The following ATXN2L variants were observed in gnomAD, a reference collection of about 807,000 sequenced individuals.
ATXN2L encodes ataxin 2 like, also known as ataxin-2-like protein.
A neutral mutation model predicts 120.7 loss-of-function variants in ATXN2L; 24 were observed. The observed-to-expected ratio is 0.20, with a 90% CI of 0.14 to 0.28. The LOEUF is 0.28. Ranked by LOEUF, ATXN2L falls within the 10% of genes least tolerant of loss-of-function variation. The probability of loss-of-function intolerance (pLI) is 1.00; values close to 1 mark genes in which losing one functional copy is unlikely to be tolerated. For synonymous variants in ATXN2L, 653 were observed against 568.1 expected, an observed-to-expected ratio of 1.15 and a Z score of -2.13; for missense variants, 1,312 against 1,432.3, an observed-to-expected ratio of 0.92 and a Z score of 1.36.
rs538629547 is a variant in ATXN2L, at chr16:28,825,553, G to A, written c.337-71G>A. ...CAAGGCAGAATGAGTAGAGTGCGGCGGGCATTTAGAAAAGAAAATGAGGTG... is the reference window on the plus strand; with the variant it reads ...CAAGGCAGAATGAGTAGAGTGCGGCAGGCATTTAGAAAAGAAAATGAGGTG... On this transcript the variant is annotated intron_variant, in intron 2 of 21. Coordinates refer to ENST00000336783, the MANE Select transcript of ATXN2L (RefSeq NM_007245.4). 2.0e-5 allele frequency: 31 copies of A among 1,554,250 alleles called. 1 individual carries two copies. The East Asian group carries it at 4.7e-4, about 24-fold the overall frequency.
chr16:28,823,245 C>T lies in ATXN2L; in HGVS notation c.-15C>T. The T allele has an allele frequency of 7.0e-7, 1 of 1,434,632 alleles. No individual in the cohort carries two copies. The highest frequency in any genetic ancestry group is 9.2e-7 in the Non-Finnish European group (1 of 1,092,028). The allele number at this position is 1,434,632 out of a possible 1,614,324, so 88.9% of individuals were successfully genotyped here. A position where few individuals can be genotyped will look rare whatever the true frequency, so the allele number is the denominator to read the frequency against. The stretch of plus-strand genomic sequence containing the variant: ...CCCTCCCTTCTCTCTAATTCCCCTT[C>T]CGGACGCTGCCATCATGTTGAAGCC... On this transcript the variant is annotated 5_prime_UTR_variant, in exon 1 of 22. Coordinates refer to ENST00000336783, the MANE Select transcript of ATXN2L (RefSeq NM_007245.4).
At position 28,835,092 on chromosome 16, in the gene ATXN2L, G is replaced by T; in HGVS notation, c.2468G>T (p.Arg823Leu). 1 of 1,613,740 alleles carries T rather than the reference G, an allele frequency of 6.2e-7. No individual in the cohort carries two copies. The highest frequency in any genetic ancestry group is 8.5e-7 in the Non-Finnish European group (1 of 1,179,856). The stretch of plus-strand genomic sequence containing the variant: ...GCCCCCATGCTTCAGAGCAACCCAC[G>T]CATGCTGACGTCGGGCAGCCATCCC... ...VFAPMLQSNPRMLTSGSHPQA... is the reference protein window; with the variant it reads ...VFAPMLQSNPLMLTSGSHPQA... Residue 823 changes from arginine to leucine, a missense_variant, in exon 19 of 22, where the codon CGC (arginine) becomes CTC (leucine). Transcript: ENST00000336783.
intron 6 of ATXN2L, 56 bp downstream of exon 6, chr16:28,827,042 CAGTG>C (rs1216212475): frequency 1.5e-6 from 2 of 1,355,446 alleles, no homozygotes; most frequent in Admixed American, 2.8e-5. Context: ...GGGTTGTTGA[CAGTG>C]AGGTTCATTT....
chr16:28,833,923 G>A, intron 15 of ATXN2L, 142 bp from the exon 16 acceptor site: 1 of 968,312 alleles, frequency 1.0e-6, no homozygotes, highest in South Asian at 1.7e-5. Flanking sequence ...TCCTCATAGG[G>A]TTTAATGTGA....
Position 28,829,845 on chromosome 16 carries a change from G to C in ATXN2L, c.834-13G>C, listed in dbSNP as rs1432169630. On this transcript the variant is annotated splice_polypyrimidine_tract_variant and intron_variant, in intron 7 of 21. Coordinates refer to ENST00000336783, the MANE Select transcript of ATXN2L (RefSeq NM_007245.4). ...GGCACTGGGATGGTGGTGGTCTGTG[G>C]GTGCTGTCTCAGGGTGCCCTTAGAA... The C allele has an allele frequency of 6.2e-7, 1 of 1,613,850 alleles. No individual in the cohort carries two copies. Among genetic ancestry groups the C allele is most frequent in the South Asian group, 1.1e-5 (1 of 91,082 alleles).
At chr16:28,824,363 G>GC (rs1294972420) in intron 1 of ATXN2L, 2 of 1,230,380 alleles carry the variant, frequency 1.6e-6, no homozygotes, top group Non-Finnish European at 2.1e-6. Context: ...TGGAGGTGGG[G>GC]GTTCGGAAAG....
intron 15 of ATXN2L, 53 bp downstream of exon 15, chr16:28,833,561 A>G: frequency 6.4e-7 from 1 of 1,564,036 alleles, no homozygotes; most frequent in Non-Finnish European, 8.8e-7. Flanking sequence ...AGACTTGGGC[A>G]GTGCTTATAG....
At position 28,823,439 on chromosome 16, in the gene ATXN2L, G is replaced by C. The variant is rs778599108; in HGVS notation, c.180G>C (p.Gly60=). Residue 60 remains glycine (G), a synonymous_variant, in exon 1 of 22, where the codon GGG becomes GGC. Coordinates refer to ENST00000336783, the MANE Select transcript of ATXN2L (RefSeq NM_007245.4). ...CAGCGGCCGCCTCCCCCTGCCTGGG[G>C]CCTGTGGCCGCTGCCGGGAGCGGGC... ...GPPAAASPCL[G]PVAAAGSGLR... The C allele has an allele frequency of 1.9e-5, 25 of 1,322,840 alleles. No homozygotes were observed. Among genetic ancestry groups the C allele is most frequent in the Middle Eastern group, 5.7e-4 (2 of 3,480 alleles). The allele number at this position is 1,322,840 out of a possible 1,614,324, so 81.9% of individuals were successfully genotyped here. A position where few individuals can be genotyped will look rare whatever the true frequency, so the allele number is the denominator to read the frequency against.
At chr16:28,825,319 T>C in intron 1 of ATXN2L, 47 bp from the exon 2 acceptor site, 1 of 1,580,362 alleles carries the variant, frequency 6.3e-7, no homozygotes, top group East Asian at 2.2e-5. Context: ...CATAGTGGTC[T>C]AAGAGGGCTT....
Position 28,823,214 on chromosome 16 carries a change from C to A in ATXN2L, c.-46C>A. The A allele has an allele frequency of 7.8e-7, 1 of 1,284,426 alleles. No homozygotes were observed. Among genetic ancestry groups the A allele is most frequent in the Non-Finnish European group, 1.0e-6 (1 of 998,860 alleles). 79.6% of individuals were successfully genotyped at this position (1,284,426 alleles called of 1,614,324 possible). A position where few individuals can be genotyped will look rare whatever the true frequency, so the allele number is the denominator to read the frequency against. ...CCAGCGGGGCCCCAGCCCCGGCCCC[C>A]TCTCTCCCTCCCTTCTCTCTAATTC... On this transcript the variant is annotated 5_prime_UTR_variant, in exon 1 of 22. Transcript: ENST00000336783.
chr16:28,823,559 G>GTTC lies in ATXN2L; in HGVS notation c.299+2_299+3insTCT. 7.4e-7 allele frequency: 1 copy of GTTC among 1,343,964 alleles called. No homozygotes were observed. Among genetic ancestry groups the GTTC allele is most frequent in the Non-Finnish European group, 9.5e-7 (1 of 1,051,416 alleles). The allele number at this position is 1,343,964 out of a possible 1,614,324, so 83.3% of individuals were successfully genotyped here. ...GGGCAGCCGCCATCGGCAGCGCCAG[G>GTTC]TGAGAAGGGTGGGCTCCGGGCGAGG... On this transcript the variant is annotated splice_donor_variant, in intron 1 of 21. Transcript: ENST00000336783. LOFTEE classifies it high-confidence loss of function.
Position 28,836,480 on chromosome 16 carries a change from G to C in ATXN2L, c.*215G>C. On this transcript the variant is annotated 3_prime_UTR_variant, in exon 22 of 22. Coordinates refer to ENST00000336783, the MANE Select transcript of ATXN2L (RefSeq NM_007245.4). Reference sequence around the variant, plus strand: ...GTGACCCCGACTGTCTCCTGACTTAGCCGAGGTAAGGTCAGTGCAGCAGAC... The same window carrying C: ...GTGACCCCGACTGTCTCCTGACTTACCCGAGGTAAGGTCAGTGCAGCAGAC... 1 of 1,610,260 alleles carries C rather than the reference G, an allele frequency of 6.2e-7. No homozygotes were observed. Among genetic ancestry groups the C allele is most frequent in the Middle Eastern group, 1.7e-4 (1 of 6,038 alleles).
chr16:28,828,668 T>C (rs1456408959), intron 6 of ATXN2L, among the ~76,000 whole-genome samples: 1 of 152,200 alleles, frequency 6.6e-6, no homozygotes, highest in East Asian at 1.9e-4. Flanking sequence ...CAATTTTTTT[T>C]CCACTCTTGT....
At position 28,837,089 on chromosome 16, in the gene ATXN2L, C is replaced by A; in HGVS notation, c.*824C>A. 1 of 546,760 alleles carries A rather than the reference C, an allele frequency of 1.8e-6. No homozygotes were observed. The highest frequency in any genetic ancestry group is 3.5e-6 in the Non-Finnish European group (1 of 289,474). The allele number at this position is 546,760 out of a possible 1,614,324, so 33.9% of individuals were successfully genotyped here. On this transcript the variant is annotated 3_prime_UTR_variant, in exon 22 of 22. Transcript: ENST00000336783. Reference sequence around the variant, plus strand: ...ATTATTTATAACTTCAGACTTGGGCCCCCTGTTCTTTCTTTCCCATTAACT... The same window carrying A: ...ATTATTTATAACTTCAGACTTGGGCACCCTGTTCTTTCTTTCCCATTAACT...
At position 28,836,874 on chromosome 16, in the gene ATXN2L, C is replaced by G. The variant is rs745707050; in HGVS notation, c.*609C>G. ...GCTCGGACCACTCCCAGCCCCCCAT[C>G]CCCCCGTTCCCCAGGGGAGCTGGGG... On this transcript the variant is annotated 3_prime_UTR_variant, in exon 22 of 22. Coordinates refer to ENST00000336783, the MANE Select transcript of ATXN2L (RefSeq NM_007245.4). The G allele has an allele frequency of 3.9e-6, 5 of 1,286,948 alleles. No homozygotes were observed. The highest frequency in any genetic ancestry group is 5.5e-6 in the Non-Finnish European group (5 of 908,242). The allele number at this position is 1,286,948 out of a possible 1,614,324, so 79.7% of individuals were successfully genotyped here. A position where few individuals can be genotyped will look rare whatever the true frequency, so the allele number is the denominator to read the frequency against.
chr16:28,827,463 A>T (rs1174224692), intron 6 of ATXN2L, among the ~76,000 whole-genome samples: 3 of 152,104 alleles, frequency 2.0e-5, no homozygotes, highest in Non-Finnish European at 4.4e-5. Flanking sequence ...CTCTCTTACT[A>T]TCTATAATTA....
chr16:28,836,883 C>A lies in ATXN2L; in HGVS notation c.*618C>A. On this transcript the variant is annotated 3_prime_UTR_variant, in exon 22 of 22. Coordinates refer to ENST00000336783, the MANE Select transcript of ATXN2L (RefSeq NM_007245.4). ...ACTCCCAGCCCCCCATCCCCCCGTTCCCCAGGGGAGCTGGGGAATTCCTGC... is the reference window on the plus strand; with the variant it reads ...ACTCCCAGCCCCCCATCCCCCCGTTACCCAGGGGAGCTGGGGAATTCCTGC... 8.2e-7 allele frequency: 1 copy of A among 1,218,656 alleles called. No individual in the cohort carries two copies. The allele number at this position is 1,218,656 out of a possible 1,614,324, so 75.5% of individuals were successfully genotyped here. A position where few individuals can be genotyped will look rare whatever the true frequency, so the allele number is the denominator to read the frequency against.
chr16:28,827,011 T>A, intron 6 of ATXN2L, 25 bp downstream of exon 6: 1 of 1,430,752 alleles, frequency 7.0e-7, no homozygotes, highest in East Asian at 2.5e-5. Flanking sequence ...CCTGAGAACT[T>A]GGGAGCTGGA....
In ATXN2L at chr16:28,823,550, C is replaced by G; in HGVS notation, c.291C>G (p.Gly97=). Residue 97 remains glycine (G), a synonymous_variant, in exon 1 of 22, where the codon GGC becomes GGG. Coordinates refer to ENST00000336783, the MANE Select transcript of ATXN2L (RefSeq NM_007245.4). ...AGAGGCCGGGGGCAGCCGCCATCGG[C>G]AGCGCCAGGTGAGAAGGGTGGGCTC... ...HQERPGAAAI[G]SARGQSTGKG... 7.4e-7 allele frequency: 1 copy of G among 1,355,574 alleles called. No individual in the cohort carries two copies. Among genetic ancestry groups the G allele is most frequent in the Admixed American group, 3.7e-5 (1 of 27,098 alleles). The allele number at this position is 1,355,574 out of a possible 1,614,324, so 84.0% of individuals were successfully genotyped here.
Sources: allele counts gnomAD v4.1 joint callset (sites outside exome capture counted in the v4.1 genomes callset), GRCh38; gene constraint gnomAD v4.1.1; transcripts MANE v1.5; gene names NCBI Gene and HGNC (gene_info 2026-07-23, HGNC 2026-07-21).